ZFAND3: variants seen among roughly 807,000 people sequenced by gnomAD.
The protein encoded by ZFAND3 is zinc finger AN1-type containing 3.
A neutral mutation model predicts 29.6 loss-of-function variants in ZFAND3; 10 were observed. The ratio of observed to expected loss-of-function variants is 0.34; its 90% CI spans 0.21 to 0.57. The LOEUF is 0.57. Ranked by LOEUF, ZFAND3 falls within the 20% of genes least tolerant of loss-of-function variation. The pLI, the probability that ZFAND3 is intolerant of heterozygous loss-of-function variation, is 0.86. For missense variants in ZFAND3, 230 were observed against 304.5 expected, an observed-to-expected ratio of 0.76 and a Z score of 1.82; for synonymous variants, 128 against 112.6, an observed-to-expected ratio of 1.14 and a Z score of -0.87.
At chr6:37,820,082 G>C (rs986229778) in intron 1 of ZFAND3, 66 bp downstream of exon 1, 1 of 1,160,466 alleles carries the variant, frequency 8.6e-7, no homozygotes, top group African/African-American at 1.6e-5. Flanking sequence ...GGCAGCCTGG[G>C]CAGGCCTCGG....
In ZFAND3 at chr6:37,903,530, T is replaced by TA. The variant is rs147838294; in HGVS notation, c.72-26428dup. ...CCTTTCTTGCTACCAAGCTTTTACT[T>TA]ACAGCGCATATTCCGTTTAGTAGAG... On this transcript the variant is annotated intron_variant, in intron 1 of 5. Transcript: ENST00000287218. Among the ~76,000 whole-genome samples the TA allele has an allele frequency of 1.4e-3, 215 of 152,362 alleles. 1 individual carries two copies. Among genetic ancestry groups the TA allele is most frequent in the African/African-American group, 4.3e-3 (178 of 41,594 alleles).
At chr6:37,869,767 C>G (rs1401915341) in intron 1 of ZFAND3, among the ~76,000 whole-genome samples, 1 of 151,822 alleles carries the variant, frequency 6.6e-6, no homozygotes, top group South Asian at 2.1e-4. Context: ...CCTGCCTTGC[C>G]TCACAAAGTG....
At chr6:37,845,657 G>A (rs1241508018) in intron 1 of ZFAND3, among the ~76,000 whole-genome samples, 1 of 152,174 alleles carries the variant, frequency 6.6e-6, no homozygotes, top group East Asian at 1.9e-4. Flanking sequence ...CATCAGTAGA[G>A]CAGCGTATGC....
intron 5 of ZFAND3, among the ~76,000 whole-genome samples, chr6:38,127,715 A>T (rs1765661775): frequency 1.3e-5 from 2 of 151,816 alleles, no homozygotes; most frequent in Non-Finnish European, 2.9e-5. Context: ...TTTTAAATAA[A>T]TGAGAAAACC....
chr6:37,835,464 GTT>G (rs373349669), intron 1 of ZFAND3, among the ~76,000 whole-genome samples: 122 of 137,108 alleles, frequency 8.9e-4, no homozygotes, highest in Non-Finnish European at 1.0e-3. Flanking sequence ...GCCTGTAAGA[GTT>G]TTTTTTTTTT....
chr6:37,830,887 T>G (rs1261619726), intron 1 of ZFAND3, among the ~76,000 whole-genome samples: 1 of 152,196 alleles, frequency 6.6e-6, no homozygotes, highest in Non-Finnish European at 1.5e-5. Flanking sequence ...TTACATTAGA[T>G]CTTAAAGAAT....
intron 4 of ZFAND3, among the ~76,000 whole-genome samples, chr6:38,084,999 G>T (rs4613817): frequency 0.97 from 148,341 of 152,310 alleles, 72,379 homozygotes; most frequent in East Asian, 1. Context: ...GAGGTAAATT[G>T]AAATGATTTA....
At chr6:37,859,387 A>G (rs1486583012) in intron 1 of ZFAND3, among the ~76,000 whole-genome samples, 2 of 152,186 alleles carry the variant, frequency 1.3e-5, no homozygotes, top group African/African-American at 4.8e-5. Context: ...GGCCTGTAAT[A>G]TCTTCTGTTG....
chr6:38,062,858 G>A (rs1008167296), intron 3 of ZFAND3, among the ~76,000 whole-genome samples: 1 of 152,090 alleles, frequency 6.6e-6, no homozygotes, highest in Admixed American at 6.5e-5. Flanking sequence ...GGCCAAGCCA[G>A]GAGGATTGCT....
chr6:37,972,954 A>G (rs1561952075), intron 2 of ZFAND3, among the ~76,000 whole-genome samples: 1 of 152,168 alleles, frequency 6.6e-6, no homozygotes, highest in Non-Finnish European at 1.5e-5. Flanking sequence ...TATATCCATT[A>G]ATAAAGTGGT....
At chr6:37,942,041 G>T (rs1399171695) in intron 2 of ZFAND3, among the ~76,000 whole-genome samples, 1 of 152,088 alleles carries the variant, frequency 6.6e-6, no homozygotes, top group Non-Finnish European at 1.5e-5. Flanking sequence ...ACATTTCGAT[G>T]CCGTTTGTTT....
chr6:37,977,686 C>T (rs1762503821), intron 2 of ZFAND3, among the ~76,000 whole-genome samples: 1 of 151,654 alleles, frequency 6.6e-6, no homozygotes, highest in African/African-American at 2.4e-5. Context: ...AGTCTTTCAC[C>T]AGTAAGTATG....
intron 2 of ZFAND3, among the ~76,000 whole-genome samples, chr6:37,967,089 T>C (rs150048489): frequency 2.4e-4 from 37 of 152,340 alleles, no homozygotes; most frequent in East Asian, 2.3e-3. Context: ...TAGGGTGATA[T>C]CTGCTGGGCT....
chr6:38,144,184 A>ATATATATATATATATATATATATATATT (rs66561715), intron 5 of ZFAND3, among the ~76,000 whole-genome samples: 1 of 42,556 alleles, frequency 2.3e-5, no homozygotes, highest in Non-Finnish European at 4.9e-5. Context: ...ATATATATAT[A>ATATATATATATATATATATATATATATT]ATATATATAT....
At chr6:37,904,957 T>G (rs942814294) in intron 1 of ZFAND3, among the ~76,000 whole-genome samples, 3 of 152,178 alleles carry the variant, frequency 2.0e-5, no homozygotes, top group African/African-American at 7.2e-5. Flanking sequence ...TATAATACAT[T>G]TATGTGTATG....
chr6:38,142,372 C>T, intron 5 of ZFAND3: 1 of 471,172 alleles, frequency 2.1e-6, no homozygotes, highest in Non-Finnish European at 4.4e-6. Flanking sequence ...AAGGTGCCTT[C>T]AGGGAGGCTA....
intron 1 of ZFAND3, among the ~76,000 whole-genome samples, chr6:37,864,158 A>G (rs1270039342): frequency 4.6e-5 from 7 of 152,188 alleles, no homozygotes; most frequent in Non-Finnish European, 7.3e-5. Flanking sequence ...TCTGTAATAC[A>G]TATATTTTAT....
At chr6:37,909,698 T>G (rs1765486721) in intron 1 of ZFAND3, among the ~76,000 whole-genome samples, 1 of 151,686 alleles carries the variant, frequency 6.6e-6, no homozygotes, top group South Asian at 2.1e-4. Context: ...TTTCTGAAAT[T>G]GCTTATACTA....
At chr6:38,017,544 CTT>C (rs1328883831) in intron 2 of ZFAND3, among the ~76,000 whole-genome samples, 2 of 152,066 alleles carry the variant, frequency 1.3e-5, no homozygotes, top group Non-Finnish European at 2.9e-5. Flanking sequence ...CAGAGCTTGT[CTT>C]TTCATTTTGT....
Sources: gnomAD v4.1 joint callset for allele counts (sites outside exome capture counted in the v4.1 genomes callset) on GRCh38, gnomAD v4.1.1 for gene constraint, MANE v1.5 for transcripts, NCBI Gene and HGNC (gene_info 2026-07-23, HGNC 2026-07-21) for gene names.